The following RASGRF2 variants were observed in gnomAD, a reference collection of about 807,000 sequenced individuals.
RASGRF2 encodes the protein Ras protein specific guanine nucleotide releasing factor 2, also known as ras-specific guanine nucleotide-releasing factor 2.
Under a neutral mutation model 151.0 loss-of-function variants are expected in RASGRF2, and 76 were observed. The observed-to-expected ratio is 0.50, with a 90% CI of 0.42 to 0.61. The LOEUF is 0.61. Among genes scored for constraint, RASGRF2 ranks in the 20% least tolerant of loss-of-function variants. The pLI, the probability that RASGRF2 is intolerant of heterozygous loss-of-function variation, is 0.00. For missense variants in RASGRF2, 1,148 were observed against 1,564.6 expected (o/e 0.73, Z 4.49); for synonymous variants, 504 against 566.5 (o/e 0.89, Z 1.57).
At chr5:81,086,793 G>A in intron 8 of RASGRF2, 42 bp from the exon 9 acceptor site, 1 of 1,524,678 alleles carries the variant, frequency 6.6e-7, no homozygotes, top group Non-Finnish European at 9.1e-7. Flanking sequence ...TAGGGCAAGA[G>A]AAAATCTCTC....
rs1359980785 is a variant in RASGRF2 at position 81,112,859 on chromosome 5, G to A, written c.2087+1G>A. Reference sequence around the variant, plus strand: ...GGCCTTTCACCTCCATCCCTGTCAGGTACACCTATTGCTAGAGGTTAGCCT... The same window carrying A: ...GGCCTTTCACCTCCATCCCTGTCAGATACACCTATTGCTAGAGGTTAGCCT... On this transcript the variant is annotated splice_donor_variant, in intron 14 of 26. Transcript: ENST00000265080. LOFTEE classifies it high-confidence loss of function. The A allele has an allele frequency of 6.2e-7, 1 of 1,614,082 alleles. No homozygotes were observed. The highest frequency in any genetic ancestry group is 1.1e-5 in the South Asian group (1 of 91,078).
At chr5:81,161,823 G>A (rs960359885) in intron 17 of RASGRF2, among the ~76,000 whole-genome samples, 1 of 151,852 alleles carries the variant, frequency 6.6e-6, no homozygotes, top group East Asian at 1.9e-4. Flanking sequence ...TATAAACATT[G>A]TTGGCCCCAA....
chr5:81,179,994 C>T (rs1754875284), intron 17 of RASGRF2, among the ~76,000 whole-genome samples, 181 bp from the exon 18 acceptor site: 1 of 152,100 alleles, frequency 6.6e-6, no homozygotes, highest in Admixed American at 6.5e-5. Context: ...GCACGAGGGC[C>T]TTGCTGCTGA....
At chr5:81,052,108 GAT>G (rs1412102440) in intron 2 of RASGRF2, among the ~76,000 whole-genome samples, 2 of 152,264 alleles carry the variant, frequency 1.3e-5, no homozygotes, top group African/African-American at 4.8e-5. Flanking sequence ...TGATGATAAA[GAT>G]AATTCTACCA....
At chr5:81,218,355 A>G (rs752371268) in intron 25 of RASGRF2, among the ~76,000 whole-genome samples, 1 of 152,160 alleles carries the variant, frequency 6.6e-6, no homozygotes, top group Non-Finnish European at 1.5e-5. Context: ...TCTTTAATCT[A>G]TCTTGAGTTG....
intron 17 of RASGRF2, among the ~76,000 whole-genome samples, chr5:81,158,620 C>T (rs1469183433): frequency 6.6e-6 from 1 of 151,538 alleles, no homozygotes; most frequent in Non-Finnish European, 1.5e-5. Context: ...ATAAGATAAC[C>T]TGAGAAAAAA....
rs548963000 is a variant in RASGRF2 at position 81,081,959 on chromosome 5, C to A, written c.1161+1170C>A. 1.5e-3 allele frequency among the ~76,000 whole-genome samples: 235 copies of A among 152,298 alleles called. 1 individual carries two copies. Among genetic ancestry groups the A allele is most frequent in the Middle Eastern group, 3.4e-3 (1 of 294 alleles). ...GAAAGATTTCAGACTTTTAAAACAA[C>A]TATCTACATAATTGGAATTTAAGAT... On this transcript the variant is annotated intron_variant, in intron 7 of 26. Transcript: ENST00000265080.
At chr5:81,155,799 G>A (rs1754247596) in intron 17 of RASGRF2, among the ~76,000 whole-genome samples, 1 of 152,198 alleles carries the variant, frequency 6.6e-6, no homozygotes, top group Admixed American at 6.5e-5. Flanking sequence ...AGATGTTCTG[G>A]CCAGGTATGT....
intron 10 of RASGRF2, among the ~76,000 whole-genome samples, chr5:81,093,913 A>G (rs2112503703): frequency 6.6e-6 from 1 of 152,154 alleles, no homozygotes; most frequent in African/African-American, 2.4e-5. Flanking sequence ...CTTTTTTATT[A>G]TTGCTTATAA....
chr5:80,960,864 G>C lies in RASGRF2; in HGVS notation c.126G>C (p.Lys42Asn), dbSNP rs757873014. ...KTAEASRWHE[K>N]WFALYQNVLF... ...CCGAGGCGAGCCGCTGGCACGAGAA[G>C]TGGTTCGCCCTCTACCAGAATGTGC... The change falls in exon 1 of 27, where the codon AAG (lysine) becomes AAC (asparagine). Residue 42 changes from lysine (K) to asparagine (N), a missense_variant. Around this residue, in one of 5 missense-constraint regions of RASGRF2, gnomAD observed 221 missense variants for 271.3 expected, o/e 0.81. Transcript: ENST00000265080. The surrounding 1 kb of genome is among the most constrained non-coding windows in gnomAD (Gnocchi z 5.5). The C allele has an allele frequency of 5.6e-6, 9 of 1,613,696 alleles. No individual in the cohort carries two copies. Among genetic ancestry groups the C allele is most frequent in the Non-Finnish European group, 5.9e-6 (7 of 1,179,728 alleles).
chr5:81,094,069 A>G (rs745464748), intron 10 of RASGRF2, among the ~76,000 whole-genome samples: 10 of 152,194 alleles, frequency 6.6e-5, no homozygotes, highest in Non-Finnish European at 1.0e-4. Flanking sequence ...TAAATTTTAT[A>G]AACAACTGAG....
intron 3 of RASGRF2, among the ~76,000 whole-genome samples, chr5:81,068,390 CTT>C (rs57789740): frequency 0.54 from 76,846 of 142,380 alleles, 20,901 homozygotes; most frequent in Non-Finnish European, 0.6. Context: ...GGATAATGTG[CTT>C]TTTTTTTTTT....
chr5:80,960,922 C>G lies in RASGRF2; in HGVS notation c.184C>G (p.Pro62Ala). ...CTTCGAGGGCGAGCAGAGCTGCCGCCCGGCGGGCATGTACCTCCTGGAGGG... is the reference window on the plus strand; with the variant it reads ...CTTCGAGGGCGAGCAGAGCTGCCGCGCGGCGGGCATGTACCTCCTGGAGGG... Reference protein sequence around the residue: ...FYFEGEQSCRPAGMYLLEGCS... With the variant: ...FYFEGEQSCRAAGMYLLEGCS... Residue 62 changes from proline to alanine, a missense_variant, in exon 1 of 27, where the codon CCG (proline) becomes GCG (alanine). This residue lies in a region of RASGRF2 where 221 missense variants were observed against 271.3 expected (regional missense o/e 0.81). Coordinates refer to ENST00000265080, the MANE Select transcript of RASGRF2 (RefSeq NM_006909.3). This position sits in a 1 kb window ranked among gnomAD's most constrained non-coding sequence, Gnocchi z 5.5. 6.3e-7 allele frequency: 1 copy of G among 1,599,310 alleles called. No individual in the cohort carries two copies. The highest frequency in any genetic ancestry group is 8.5e-7 in the Non-Finnish European group (1 of 1,169,942).
In RASGRF2 at chr5:80,960,970, G is replaced by A; in HGVS notation, c.232G>A (p.Ala78Thr). 1 of 1,561,948 alleles carries A rather than the reference G, an allele frequency of 6.4e-7. No individual in the cohort carries two copies. Residue 78 changes from alanine (A) to threonine (T), a missense_variant, in exon 1 of 27, where the codon GCG becomes ACG. By Grantham distance (58) the Ala-to-Thr change is moderately conservative. Transcript: ENST00000265080. The surrounding 1 kb of genome is among the most constrained non-coding windows in gnomAD (Gnocchi z 5.5). Reference sequence around the variant, plus strand: ...GGGCTGCAGCTGCGAACGAACGCCCGCGCCACCCAGGGCCGGCGCCGGGCA... The same window carrying A: ...GGGCTGCAGCTGCGAACGAACGCCCACGCCACCCAGGGCCGGCGCCGGGCA... Reference protein sequence around the residue: ...LEGCSCERTPAPPRAGAGQGG... With the variant: ...LEGCSCERTPTPPRAGAGQGG...
chr5:81,015,101 C>G (rs903290246), intron 1 of RASGRF2, among the ~76,000 whole-genome samples: 1 of 152,068 alleles, frequency 6.6e-6, no homozygotes, highest in African/African-American at 2.4e-5. Flanking sequence ...CTTTTAAAGC[C>G]TGTCATACAG....
chr5:80,994,978 C>T (rs552239170), intron 1 of RASGRF2, among the ~76,000 whole-genome samples: 17 of 152,148 alleles, frequency 1.1e-4, no homozygotes, highest in African/African-American at 2.4e-4. Context: ...TACTTAGGGC[C>T]GGGCATGGTG....
rs143913849 is a variant in RASGRF2, at chr5:81,033,844, C to T, written c.289-9033C>T. On this transcript the variant is annotated intron_variant, in intron 1 of 26. Transcript: ENST00000265080. Reference sequence around the variant, plus strand: ...ACTTCTGCACAGCAAAAGTAACTACCATCAGAGCGAACAGGCAACCTACAG... The same window carrying T: ...ACTTCTGCACAGCAAAAGTAACTACTATCAGAGCGAACAGGCAACCTACAG... Among the ~76,000 whole-genome samples the T allele has an allele frequency of 8.0e-3, 1,221 of 152,262 alleles. 76 individuals are homozygous for T. The East Asian group carries it at 0.16, about 20-fold the overall frequency.
intron 1 of RASGRF2, among the ~76,000 whole-genome samples, chr5:80,982,743 A>G (rs448587): frequency 0.63 from 95,879 of 151,298 alleles, 30,901 homozygotes; most frequent in East Asian, 0.76. Flanking sequence ...TGGGACTACA[A>G]GTGCCTGCCA....
intron 1 of RASGRF2, among the ~76,000 whole-genome samples, chr5:81,006,273 A>C (rs1749267400): frequency 6.6e-6 from 1 of 152,154 alleles, no homozygotes; most frequent in African/African-American, 2.4e-5. Context: ...AGTCATGCTC[A>C]ATGCACAGTT....
Sources: allele counts gnomAD v4.1 joint callset (sites outside exome capture counted in the v4.1 genomes callset), GRCh38; gene constraint gnomAD v4.1.1; regional missense constraint gnomAD v4.1.1; non-coding constraint Gnocchi (gnomAD v3.1); transcripts MANE v1.5; gene names NCBI Gene and HGNC (gene_info 2026-07-23, HGNC 2026-07-21).